CADPS2: variants seen among roughly 807,000 people sequenced by gnomAD.
The protein encoded by CADPS2 is calcium dependent secretion activator 2, also known as calcium-dependent secretion activator 2.
Under a neutral mutation model 172.5 loss-of-function variants are expected in CADPS2, and 93 were observed. That is an observed-to-expected ratio of 0.54 (90% CI 0.46 to 0.64). CADPS2 has a LOEUF of 0.64. Ranked by LOEUF, CADPS2 falls within the 30% of genes least tolerant of loss-of-function variation. The probability of loss-of-function intolerance (pLI) is 0.00; values close to 1 mark genes in which losing one functional copy is unlikely to be tolerated. For synonymous variants in CADPS2, 546 were observed against 555.2 expected, an observed-to-expected ratio of 0.98 and a Z score of 0.23; for missense variants, 1,420 against 1,565.9, an observed-to-expected ratio of 0.91 and a Z score of 1.57.
chr7:122,571,974 C>A (rs2067326853), intron 7 of CADPS2, among the ~76,000 whole-genome samples: 2 of 152,058 alleles, frequency 1.3e-5, no homozygotes, highest in Non-Finnish European at 2.9e-5. Context: ...TCACTTTAGG[C>A]CTTTCCTTAA....
At chr7:122,846,387 T>C (rs1353196160) in intron 1 of CADPS2, among the ~76,000 whole-genome samples, 1 of 152,222 alleles carries the variant, frequency 6.6e-6, no homozygotes, top group Non-Finnish European at 1.5e-5. Flanking sequence ...CAAGTTTTTA[T>C]GAGTGTGCTT....
At chr7:122,416,975 A>G (rs1300243192) in intron 17 of CADPS2, among the ~76,000 whole-genome samples, 1 of 152,242 alleles carries the variant, frequency 6.6e-6, no homozygotes, top group Non-Finnish European at 1.5e-5. Context: ...GACATTAAAG[A>G]TAAATGTTGT....
At chr7:122,482,735 T>G (rs1331979390) in intron 11 of CADPS2, among the ~76,000 whole-genome samples, 1 of 152,024 alleles carries the variant, frequency 6.6e-6, no homozygotes, top group Non-Finnish European at 1.5e-5. Flanking sequence ...AGCCCAGTGG[T>G]CTCCCTGAGT....
intron 8 of CADPS2, among the ~76,000 whole-genome samples, chr7:122,545,225 G>A (rs2063501364): frequency 6.6e-6 from 1 of 152,150 alleles, no homozygotes; most frequent in Non-Finnish European, 1.5e-5. Flanking sequence ...AAAATCAAGG[G>A]AGTGGGGACA....
At chr7:122,589,212 C>T (rs946863230) in intron 6 of CADPS2, among the ~76,000 whole-genome samples, 4 of 151,944 alleles carry the variant, frequency 2.6e-5, no homozygotes, top group African/African-American at 9.7e-5. Context: ...CAAGTAGACA[C>T]AATATCCCAC....
rs1335197541 is a variant in CADPS2 at position 122,615,313 on chromosome 7, G to T, written c.1105-14C>A. On this transcript the variant is annotated splice_polypyrimidine_tract_variant and intron_variant, in intron 5 of 29. Transcript: ENST00000449022. ...CATTATGACAATCTAAAGATAAAAT[G>T]ATTTTAAAATAATGCATCAAGTTGA... 7 of 1,477,000 alleles carry T rather than the reference G, an allele frequency of 4.7e-6. No homozygotes were observed. The highest frequency in any genetic ancestry group is 1.2e-5 in the South Asian group (1 of 80,340). The allele number at this position is 1,477,000 out of a possible 1,614,324, so 91.5% of individuals were successfully genotyped here. A position where few individuals can be genotyped will look rare whatever the true frequency, so the allele number is the denominator to read the frequency against.
rs925678565 is a variant in CADPS2, at chr7:122,770,479, G to A, written c.340-33411C>T. Among the ~76,000 whole-genome samples, 7 of 152,174 alleles carry A rather than the reference G, an allele frequency of 4.6e-5. No homozygotes were observed. In the South Asian group the frequency reaches 1.0e-3, roughly 23 times the overall value. Reference sequence around the variant, plus strand: ...AACCTCCTTAGAGGGAAATTTACACGTAACACAGTATCTGCTGCAACTCAC... The same window carrying A: ...AACCTCCTTAGAGGGAAATTTACACATAACACAGTATCTGCTGCAACTCAC... On this transcript the variant is annotated intron_variant, in intron 1 of 29. Transcript: ENST00000449022.
At chr7:122,697,333 C>A (rs2085275551) in intron 2 of CADPS2, among the ~76,000 whole-genome samples, 1 of 152,090 alleles carries the variant, frequency 6.6e-6, no homozygotes, top group Non-Finnish European at 1.5e-5. Context: ...CTAAGACATA[C>A]TATAAATATG....
chr7:122,373,214 C>T (rs2041975098), intron 25 of CADPS2, among the ~76,000 whole-genome samples: 1 of 151,864 alleles, frequency 6.6e-6, no homozygotes, highest in South Asian at 2.1e-4. Context: ...TAAAGGTTTA[C>T]ATGCCAGTCT....
chr7:122,542,176 C>T (rs2063168355), intron 8 of CADPS2, among the ~76,000 whole-genome samples: 1 of 151,900 alleles, frequency 6.6e-6, no homozygotes, highest in East Asian at 1.9e-4. Flanking sequence ...AGAAGGGAGG[C>T]ACAGGGAGGT....
chr7:122,582,893 A>AT (rs1298439513), intron 6 of CADPS2, among the ~76,000 whole-genome samples: 1 of 151,972 alleles, frequency 6.6e-6, no homozygotes, highest in African/African-American at 2.4e-5. Flanking sequence ...TATTACACTG[A>AT]TTTTTTTCCT....
intron 1 of CADPS2, among the ~76,000 whole-genome samples, chr7:122,745,429 T>C (rs1348569800): frequency 1.3e-5 from 2 of 151,948 alleles, no homozygotes; most frequent in Non-Finnish European, 2.9e-5. Flanking sequence ...CCAAAGCCTA[T>C]ATTCTTTCCG....
intron 7 of CADPS2, among the ~76,000 whole-genome samples, chr7:122,560,763 A>G (rs1048392037): frequency 6.6e-6 from 1 of 152,168 alleles, no homozygotes; most frequent in Non-Finnish European, 1.5e-5. Flanking sequence ...CAGAGATTTT[A>G]TACTTTAGCA....
intron 14 of CADPS2, among the ~76,000 whole-genome samples, chr7:122,453,008 A>T (rs2053322524): frequency 6.6e-6 from 1 of 152,186 alleles, no homozygotes; most frequent in South Asian, 2.1e-4. Context: ...AAATCAAAGT[A>T]TCATTTAAGT....
In CADPS2 at chr7:122,500,438, A is replaced by C. The variant is rs977343632; in HGVS notation, c.1543-9018T>G. Among the ~76,000 whole-genome samples, 7 of 152,322 alleles carry C rather than the reference A, an allele frequency of 4.6e-5. No homozygotes were observed. In the East Asian group the frequency reaches 1.4e-3, roughly 29 times the overall value. ...AAAAAAAAACTAACAGTTTAACAGC[A>C]CACATAACTCAACTTGTACTCTTAA... On this transcript the variant is annotated intron_variant, in intron 9 of 29. Transcript: ENST00000449022.
In CADPS2 at chr7:122,621,603, C is replaced by T. The variant is rs2075612834; in HGVS notation, c.982G>A (p.Gly328Ser). Reference sequence around the variant, plus strand: ...TTTTGTAATTTAAATTCCGGACCACCTTTCGAAACTGGAAGACTTTCCAAA... The same window carrying T: ...TTTTGTAATTTAAATTCCGGACCACTTTTCGAAACTGGAAGACTTTCCAAA... ...ANLESLPVSK[G>S]GPEFKLQKLK... Residue 328 changes from glycine (G) to serine (S), a missense_variant, in exon 5 of 30, where the codon GGT becomes AGT. Transcript: ENST00000449022. 6.2e-7 allele frequency: 1 copy of T among 1,613,664 alleles called. No homozygotes were observed. The highest frequency in any genetic ancestry group is 8.5e-7 in the Non-Finnish European group (1 of 1,179,742).
At chr7:122,475,959 A>G (rs2056579386) in intron 12 of CADPS2, among the ~76,000 whole-genome samples, 1 of 152,196 alleles carries the variant, frequency 6.6e-6, no homozygotes, top group Admixed American at 6.5e-5. Flanking sequence ...GCTTTTCCTG[A>G]ACTAATATAC....
intron 6 of CADPS2, among the ~76,000 whole-genome samples, chr7:122,592,156 C>G (rs1168584781): frequency 6.6e-6 from 1 of 151,954 alleles, no homozygotes; most frequent in Non-Finnish European, 1.5e-5. Flanking sequence ...AAACAAACAA[C>G]CCCATCACAA....
At chr7:122,544,851 T>C (rs989721188) in intron 8 of CADPS2, among the ~76,000 whole-genome samples, 3 of 152,178 alleles carry the variant, frequency 2.0e-5, no homozygotes, top group Non-Finnish European at 2.9e-5. Context: ...TCTATTTATG[T>C]GATCAACCTA....
Sources: gnomAD v4.1 joint callset for allele counts (sites outside exome capture counted in the v4.1 genomes callset) on GRCh38, gnomAD v4.1.1 for gene constraint, MANE v1.5 for transcripts, NCBI Gene and HGNC (gene_info 2026-07-23, HGNC 2026-07-21) for gene names.